The following THAP2 variants were observed in gnomAD, a reference collection of about 807,000 sequenced individuals.
The protein encoded by THAP2 is THAP domain-containing protein 2.
A neutral mutation model predicts 18.8 loss-of-function variants in THAP2; 16 were observed. The observed-to-expected ratio is 0.85, with a 90% CI of 0.58 to 1.29. The LOEUF (loss-of-function observed/expected upper bound fraction) is 1.29, where lower values mean the gene tolerates loss of function less well. THAP2 is among the 50% of genes most tolerant of loss of function. The pLI, the probability that THAP2 is intolerant of heterozygous loss-of-function variation, is 0.00. For synonymous variants in THAP2, 80 were observed against 89.2 expected, an observed-to-expected ratio of 0.90 and a Z score of 0.58; for missense variants, 251 against 265.3, an observed-to-expected ratio of 0.95 and a Z score of 0.38.
chr12:71,678,746 C>G lies in THAP2; in HGVS notation c.*1638C>G, dbSNP rs1278707382. 3 of 152,100 alleles carry G rather than the reference C, an allele frequency of 2.0e-5. No homozygotes were observed. Among genetic ancestry groups the G allele is most frequent in the Admixed American group, 2.0e-4 (3 of 15,260 alleles). 9.4% of individuals were successfully genotyped at this position (152,100 alleles called of 1,614,324 possible). Reference sequence around the variant, plus strand: ...ACAATTCTTTTACAGTATTAGCACTCTCTTTACTAAGGAATGCCTCCCAAG... The same window carrying G: ...ACAATTCTTTTACAGTATTAGCACTGTCTTTACTAAGGAATGCCTCCCAAG... On this transcript the variant is annotated 3_prime_UTR_variant, in exon 3 of 3. Transcript: ENST00000308086.
Position 71,679,310 on chromosome 12 carries a change from T to A in THAP2, c.*2202T>A, listed in dbSNP as rs570600215. ...TTCTGTGTTTTCTCCGTGATTTTCA[T>A]TGTGCTGTCCTGACAACATGCTCCA... On this transcript the variant is annotated 3_prime_UTR_variant, in exon 3 of 3. Coordinates refer to ENST00000308086, the MANE Select transcript of THAP2 (RefSeq NM_031435.4). The A allele has an allele frequency of 1.3e-4, 20 of 152,334 alleles. No homozygotes were observed. Among genetic ancestry groups the A allele is most frequent in the Admixed American group, 1.2e-3 (18 of 15,300 alleles). The allele number at this position is 152,334 out of a possible 1,614,324, so 9.4% of individuals were successfully genotyped here.
At chr12:71,664,907 A>G (rs1443963367) in intron 1 of THAP2, 4 of 702,384 alleles carry the variant, frequency 5.7e-6, no homozygotes, top group Non-Finnish European at 1.0e-5. Context: ...AGGGAGAAAG[A>G]GATCTTCCCA....
At chr12:71,667,228 A>G (rs567877139) in intron 1 of THAP2, among the ~76,000 whole-genome samples, 1 of 152,038 alleles carries the variant, frequency 6.6e-6, no homozygotes, top group Non-Finnish European at 1.5e-5. Context: ...AATACTCTCT[A>G]TGACACTAAT....
At chr12:71,673,725 A>C (rs919333358) in intron 1 of THAP2, among the ~76,000 whole-genome samples, 2 of 152,174 alleles carry the variant, frequency 1.3e-5, no homozygotes, top group African/African-American at 4.8e-5. Flanking sequence ...GAAAAATTAC[A>C]AAACAAGGTG....
chr12:71,669,984 T>A, intron 1 of THAP2, among the ~76,000 whole-genome samples: 1 of 151,738 alleles, frequency 6.6e-6, no homozygotes, highest in African/African-American at 2.4e-5. Context: ...CTCTATTTTC[T>A]TGTAAAATAG....
chr12:71,672,716 C>CATATAT (rs113707651), intron 1 of THAP2, among the ~76,000 whole-genome samples: 4 of 148,950 alleles, frequency 2.7e-5, no homozygotes, highest in African/African-American at 7.4e-5. Flanking sequence ...ATCTATGTGG[C>CATATAT]ATATATATAT....
intron 1 of THAP2, among the ~76,000 whole-genome samples, chr12:71,666,438 G>C (rs975823375): frequency 6.6e-6 from 1 of 151,974 alleles, no homozygotes; most frequent in Non-Finnish European, 1.5e-5. Context: ...ACCTGAACTG[G>C]GGAAGTTAAG....
chr12:71,666,034 C>G (rs1565838348), intron 1 of THAP2, among the ~76,000 whole-genome samples: 1 of 152,026 alleles, frequency 6.6e-6, no homozygotes, highest in Admixed American at 6.5e-5. Flanking sequence ...TGTGAGCTGA[C>G]AGAGAAAAAC....
chr12:71,665,004 T>C (rs1353566734), intron 1 of THAP2: 2 of 702,150 alleles, frequency 2.8e-6, no homozygotes, highest in South Asian at 3.0e-5. Context: ...GCATTTAGAT[T>C]TCTAATAGTC....
Position 71,669,949 on chromosome 12 carries a change from C to T in THAP2, c.72-4254C>T, listed in dbSNP as rs563218719. On this transcript the variant is annotated intron_variant, in intron 1 of 2. Coordinates refer to ENST00000308086, the MANE Select transcript of THAP2 (RefSeq NM_031435.4). ...TCCAGCCTCGGCAACAAGAGCGAAA[C>T]TCCGTCTCAAAAAAAAAAAAAAAAC... 2.3e-5 allele frequency among the ~76,000 whole-genome samples: 3 copies of T among 130,378 alleles called. No individual in the cohort carries two copies. In the East Asian group the frequency reaches 7.4e-4, roughly 32 times the overall value. The allele number at this position is 130,378 out of a possible 152,430, so 85.5% of individuals were successfully genotyped here. A position where few individuals can be genotyped will look rare whatever the true frequency, so the allele number is the denominator to read the frequency against.
chr12:71,664,871 C>T (rs745731754), intron 1 of THAP2: 1 of 702,428 alleles, frequency 1.4e-6, no homozygotes, highest in Non-Finnish European at 2.6e-6. Context: ...TCTGTTAGAC[C>T]GGGCCTTGAC....
Position 71,664,566 on chromosome 12 carries a change from C to T in THAP2, c.57C>T (p.Asn19=), listed in dbSNP as rs1310145692. ...GCATTYNKHI[N]ISFHRFPLDP... The stretch of plus-strand genomic sequence containing the variant: ...CCACTACCTACAACAAGCACATTAA[C>T]ATCAGCTTCCACAGGTAACCTGGGC... The change falls in exon 1 of 3, where the codon AAC becomes AAT. Residue 19 remains asparagine, a synonymous_variant. Coordinates refer to ENST00000308086, the MANE Select transcript of THAP2 (RefSeq NM_031435.4). 1 of 1,614,080 alleles carries T rather than the reference C, an allele frequency of 6.2e-7. No homozygotes were observed. The highest frequency in any genetic ancestry group is 1.3e-5 in the African/African-American group (1 of 74,924).
chr12:71,676,883 T>C lies in THAP2; in HGVS notation c.462T>C (p.Thr154=). The C allele has an allele frequency of 6.2e-7, 1 of 1,613,558 alleles. No homozygotes were observed. Among genetic ancestry groups the C allele is most frequent in the Non-Finnish European group, 8.5e-7 (1 of 1,179,648 alleles). The part of the protein sequence containing the change: ...EIASLRRKMK[T]CLQKERRATR... The stretch of plus-strand genomic sequence containing the variant: ...CAAGCTTAAGAAGAAAAATGAAAAC[T>C]TGCCTACAAAAGGAACGCAGAGCAA... The change falls in exon 3 of 3, where the codon ACT becomes ACC. Residue 154 remains threonine (T), a synonymous_variant. Transcript: ENST00000308086.
At chr12:71,675,293 A>C (rs1010228255) in intron 2 of THAP2, among the ~76,000 whole-genome samples, 1 of 152,110 alleles carries the variant, frequency 6.6e-6, no homozygotes, top group African/African-American at 2.4e-5. Context: ...GCTAATTACC[A>C]CTGATGTTAG....
Position 71,664,581 on chromosome 12 carries a change from G to A in THAP2, c.71+1G>A. 6.2e-7 allele frequency: 1 copy of A among 1,614,198 alleles called. No homozygotes were observed. Among genetic ancestry groups the A allele is most frequent in the Non-Finnish European group, 8.5e-7 (1 of 1,180,022 alleles). ...AGCACATTAACATCAGCTTCCACAG[G>A]TAACCTGGGCAGGGAGTGGGGGTGA... On this transcript the variant is annotated splice_donor_variant, in intron 1 of 2. Transcript: ENST00000308086. LOFTEE classifies it high-confidence loss of function.
At chr12:71,672,635 A>ATT (rs901946907) in intron 1 of THAP2, among the ~76,000 whole-genome samples, 9 of 146,354 alleles carry the variant, frequency 6.1e-5, no homozygotes, top group African/African-American at 2.0e-4. Flanking sequence ...CAGCTTGATG[A>ATT]TTTTTTTTTT....
intron 1 of THAP2, chr12:71,665,136 G>T: frequency 5.5e-6 from 3 of 550,298 alleles, no homozygotes; most frequent in Non-Finnish European, 9.6e-6. Context: ...AAAGAACCTA[G>T]GTTTTCTTTT....
Position 71,666,905 on chromosome 12 carries a change from A to G in THAP2, c.71+2325A>G, listed in dbSNP as rs146705170. Among the ~76,000 whole-genome samples, 13 of 151,956 alleles carry G rather than the reference A, an allele frequency of 8.6e-5. No homozygotes were observed. In the East Asian group the frequency reaches 2.3e-3, roughly 27 times the overall value. ...ATGCCCACATGCCTGGCTAATTTTTATATTTTTTAGAAGAGATGGGGTTTC... is the reference window on the plus strand; with the variant it reads ...ATGCCCACATGCCTGGCTAATTTTTGTATTTTTTAGAAGAGATGGGGTTTC... On this transcript the variant is annotated intron_variant, in intron 1 of 2. Transcript: ENST00000308086.
chr12:71,664,547 C>G lies in THAP2; in HGVS notation c.38C>G (p.Thr13Ser), dbSNP rs148140652. Residue 13 changes from threonine (T) to serine (S), a missense_variant, in exon 1 of 3, where the codon ACC becomes AGC. Thr to Ser is a moderately conservative substitution (Grantham distance 58). Coordinates refer to ENST00000308086, the MANE Select transcript of THAP2 (RefSeq NM_031435.4). ...TGCGCTGCGGCGGGCTGTGCCACTACCTACAACAAGCACATTAACATCAGC... is the reference window on the plus strand; with the variant it reads ...TGCGCTGCGGCGGGCTGTGCCACTAGCTACAACAAGCACATTAACATCAGC... ...TNCAAAGCATTYNKHINISFH... is the reference protein window; with the variant it reads ...TNCAAAGCATSYNKHINISFH... 48 of 1,614,040 alleles carry G rather than the reference C, an allele frequency of 3.0e-5. No individual in the cohort carries two copies. The highest frequency in any genetic ancestry group is 3.9e-5 in the Non-Finnish European group (46 of 1,180,040).
Sources: gnomAD v4.1 joint callset for allele counts (sites outside exome capture counted in the v4.1 genomes callset) on GRCh38, gnomAD v4.1.1 for gene constraint, MANE v1.5 for transcripts, NCBI Gene and HGNC (gene_info 2026-07-23, HGNC 2026-07-21) for gene names.